PABPC1: variants seen among roughly 807,000 people sequenced by gnomAD.
The protein encoded by PABPC1 is polyadenylate-binding protein 1.
PABPC1 carries 4 observed loss-of-function variants against 74.0 expected under a neutral mutation model. That is an observed-to-expected ratio of 0.05 (90% CI 0.03 to 0.12). The LOEUF is 0.12. Ranked by LOEUF, PABPC1 falls within the 10% of genes least tolerant of loss-of-function variation. The pLI is 1.00. For synonymous variants in PABPC1, 227 were observed against 264.1 expected (o/e 0.86, Z 1.36); for missense variants, 271 against 821.1 (o/e 0.33, Z 8.19).
intron 6 of PABPC1, 55 bp downstream of exon 6, chr8:100,712,595 ACG>A (rs1335888156): frequency 6.4e-7 from 1 of 1,570,120 alleles, no homozygotes; most frequent in African/African-American, 1.4e-5. Flanking sequence ...ACTGAAATCA[ACG>A]TAAAATAGGT....
intron 1 of PABPC1, 101 bp from the exon 2 acceptor site, chr8:100,718,381 C>A: frequency 2.2e-6 from 2 of 907,858 alleles, no homozygotes; most frequent in South Asian, 1.7e-5. Flanking sequence ...GACACATGGT[C>A]TCACAGTTGA....
At chr8:100,713,997 TC>T (rs1333798868) in intron 4 of PABPC1, among the ~76,000 whole-genome samples, 1 of 152,144 alleles carries the variant, frequency 6.6e-6, no homozygotes, top group Non-Finnish European at 1.5e-5. Flanking sequence ...AGACATGTTT[TC>T]CCCTAACTCC....
chr8:100,709,788 G>C (rs144069540), intron 7 of PABPC1, 57 bp from the exon 8 acceptor site: 1 of 1,486,040 alleles, frequency 6.7e-7, no homozygotes, highest in Non-Finnish European at 9.1e-7. Flanking sequence ...AGCAAAAAAA[G>C]AGCGTTACAA....
chr8:100,718,743 T>C (rs1035732727), intron 1 of PABPC1, among the ~76,000 whole-genome samples: 17 of 152,200 alleles, frequency 1.1e-4, no homozygotes, highest in Non-Finnish European at 2.2e-4. Context: ...AAATTGGTCA[T>C]TTCATTGCTA....
Position 100,703,370 on chromosome 8 carries a change from T to TA in PABPC1, c.*2-12dup, listed in dbSNP as rs892580706. ...TGGTCCCTGATCAATCTGTAAATGT[T>TA]AAAAAAACAAATTAAGACCAGGACT... On this transcript the variant is annotated splice_polypyrimidine_tract_variant and intron_variant, in intron 14 of 14. Coordinates refer to ENST00000318607, the MANE Select transcript of PABPC1 (RefSeq NM_002568.4). The TA allele has an allele frequency of 3.2e-5, 5 of 154,676 alleles. No individual in the cohort carries two copies. Among genetic ancestry groups the TA allele is most frequent in the South Asian group, 2.1e-4 (1 of 4,826 alleles). 9.6% of individuals were successfully genotyped at this position (154,676 alleles called of 1,614,324 possible).
chr8:100,709,274 A>C, intron 8 of PABPC1, 51 bp from the exon 9 acceptor site: 4 of 1,529,756 alleles, frequency 2.6e-6, no homozygotes, highest in Non-Finnish European at 3.6e-6. Flanking sequence ...AAAAGCAAAT[A>C]ATGCAATAAA....
At position 100,706,643 on chromosome 8, in the gene PABPC1, A is replaced by C; in HGVS notation, c.1602+8T>G. On this transcript the variant is annotated splice_region_variant and intron_variant, in intron 11 of 14. Coordinates refer to ENST00000318607, the MANE Select transcript of PABPC1 (RefSeq NM_002568.4). ...GTGATTTTTATTAAGAAATCATTAAATCCATACCTGTTGCATTGTAACTTG... is the reference window on the plus strand; with the variant it reads ...GTGATTTTTATTAAGAAATCATTAACTCCATACCTGTTGCATTGTAACTTG... 1 of 1,610,884 alleles carries C rather than the reference A, an allele frequency of 6.2e-7. No individual in the cohort carries two copies. Among genetic ancestry groups the C allele is most frequent in the Non-Finnish European group, 8.5e-7 (1 of 1,178,444 alleles).
chr8:100,703,818 G>T (rs1477628057), intron 14 of PABPC1, among the ~76,000 whole-genome samples: 1 of 152,178 alleles, frequency 6.6e-6, no homozygotes, highest in Non-Finnish European at 1.5e-5. Flanking sequence ...GGGAGGCCGA[G>T]GTGGGCGGAT....
In PABPC1 at chr8:100,721,227, G is replaced by A. The variant is rs1175601102; in HGVS notation, c.193+164C>T. On this transcript the variant is annotated intron_variant, in intron 1 of 14. Transcript: ENST00000318607. This position sits in a 1 kb window ranked among gnomAD's most constrained non-coding sequence, Gnocchi z 7.4. ...CGGCAGCGCGGGTCCCCGCCGGCTC[G>A]GGAAACGCGGCTCCAGGGACCCCGG... Among the ~76,000 whole-genome samples the A allele has an allele frequency of 1.3e-5, 2 of 151,752 alleles. No individual in the cohort carries two copies. Among genetic ancestry groups the A allele is most frequent in the Non-Finnish European group, 2.9e-5 (2 of 67,864 alleles).
At chr8:100,708,702 C>T (rs1376796138) in intron 9 of PABPC1, among the ~76,000 whole-genome samples, 3 of 151,856 alleles carry the variant, frequency 2.0e-5, no homozygotes, top group Non-Finnish European at 4.4e-5. Flanking sequence ...GTGGTCAAAC[C>T]CCATCTCTAC....
chr8:100,718,314 T>G, intron 1 of PABPC1, 34 bp from the exon 2 acceptor site: 1 of 1,567,516 alleles, frequency 6.4e-7, no homozygotes, highest in South Asian at 1.1e-5. Context: ...TCAATATTAC[T>G]TCAAAATTTT....
At chr8:100,705,853 T>C (rs949895060) in intron 11 of PABPC1, among the ~76,000 whole-genome samples, 180 bp from the exon 12 acceptor site, 5 of 152,140 alleles carry the variant, frequency 3.3e-5, no homozygotes, top group African/African-American at 1.2e-4. Flanking sequence ...CACAGATACA[T>C]TTTTTTTCTT....
chr8:100,720,266 C>A (rs1810783031), intron 1 of PABPC1, among the ~76,000 whole-genome samples: 1 of 152,082 alleles, frequency 6.6e-6, no homozygotes, highest in Admixed American at 6.5e-5. Context: ...CAGATATTAT[C>A]TGTTTACAAA....
intron 13 of PABPC1, 136 bp from the exon 14 acceptor site, chr8:100,704,526 C>CTA (rs1554594753): frequency 1.3e-6 from 1 of 751,690 alleles, no homozygotes; most frequent in African/African-American, 1.7e-5. Flanking sequence ...CACTAAACAA[C>CTA]TATATCCATT....
chr8:100,716,209 G>C (rs1810665216), intron 3 of PABPC1, among the ~76,000 whole-genome samples: 1 of 152,200 alleles, frequency 6.6e-6, no homozygotes, highest in Admixed American at 6.5e-5. Flanking sequence ...TTCGAGTTCA[G>C]CCTAGCCAAC....
rs930937895 is a variant in PABPC1 at position 100,721,099 on chromosome 8, C to T, written c.193+292G>A. On this transcript the variant is annotated intron_variant, in intron 1 of 14. Transcript: ENST00000318607. The surrounding 1 kb of genome is among the most constrained non-coding windows in gnomAD (Gnocchi z 7.4). ...ACTGGCGGGAGCGCCGCGGAGGAAC[C>T]GAATCTCACCCACCCTCCCGGCGCG... is the stretch of plus-strand genomic sequence containing the variant. Among the ~76,000 whole-genome samples the T allele has an allele frequency of 6.6e-6, 1 of 152,132 alleles. No individual in the cohort carries two copies. The highest frequency in any genetic ancestry group is 2.4e-5 in the African/African-American group (1 of 41,434).
At chr8:100,711,093 A>G (rs1390827328) in intron 7 of PABPC1, among the ~76,000 whole-genome samples, 2 of 152,222 alleles carry the variant, frequency 1.3e-5, no homozygotes, top group African/African-American at 2.4e-5. Flanking sequence ...AGCTTGGCCA[A>G]CATGGTGAAA....
intron 1 of PABPC1, among the ~76,000 whole-genome samples, chr8:100,720,366 G>T (rs570933047): frequency 2.6e-5 from 4 of 152,060 alleles, no homozygotes; most frequent in African/African-American, 9.7e-5. Context: ...TTTAATCTCC[G>T]TTATTTTGTA....
At chr8:100,713,354 T>C (rs1011827142) in intron 4 of PABPC1, among the ~76,000 whole-genome samples, 173 bp from the exon 5 acceptor site, 8 of 152,216 alleles carry the variant, frequency 5.3e-5, no homozygotes, top group Non-Finnish European at 8.8e-5. Flanking sequence ...AGACCTTTTA[T>C]TATTAAGAAG....
Sources: gnomAD v4.1 joint callset for allele counts (sites outside exome capture counted in the v4.1 genomes callset) on GRCh38, gnomAD v4.1.1 for gene constraint, Gnocchi (gnomAD v3.1) non-coding constraint, MANE v1.5 for transcripts, NCBI Gene and HGNC (gene_info 2026-07-23, HGNC 2026-07-21) for gene names.